The following FOXP1 variants were observed in gnomAD, a reference collection of about 807,000 sequenced individuals.
FOXP1 encodes forkhead box P1.
A neutral mutation model predicts 98.2 loss-of-function variants in FOXP1; 15 were observed. The ratio of observed to expected loss-of-function variants is 0.15; its 90% CI spans 0.10 to 0.24. The LOEUF (loss-of-function observed/expected upper bound fraction) is 0.24, where lower values mean the gene tolerates loss of function less well. Among genes scored for constraint, FOXP1 ranks in the 10% least tolerant of loss-of-function variants. The pLI is 1.00. For synonymous variants in FOXP1, 371 were observed against 314.5 expected, an observed-to-expected ratio of 1.18 and a Z score of -1.90; for missense variants, 633 against 848.5, an observed-to-expected ratio of 0.75 and a Z score of 3.15.
intron 3 of FOXP1, among the ~76,000 whole-genome samples, chr3:71,381,393 C>A (rs935515824): frequency 5.3e-5 from 8 of 151,136 alleles, no homozygotes; most frequent in Admixed American, 3.3e-4. Context: ...CCTCCTCGGC[C>A]TCCCAAAGTG....
At chr3:71,346,812 G>A (rs186913851) in intron 4 of FOXP1, among the ~76,000 whole-genome samples, 57 of 152,176 alleles carry the variant, frequency 3.7e-4, no homozygotes, top group Admixed American at 2.1e-3. Context: ...TAATGAGGCC[G>A]AGGCGGGTGG....
At chr3:71,335,821 G>A (rs563102691) in intron 4 of FOXP1, among the ~76,000 whole-genome samples, 1 of 151,864 alleles carries the variant, frequency 6.6e-6, no homozygotes, top group South Asian at 2.1e-4. Context: ...CTTGGCCAAC[G>A]TGGTGAAACC....
At chr3:71,091,791 A>C (rs1472679452) in intron 7 of FOXP1, among the ~76,000 whole-genome samples, 1 of 152,244 alleles carries the variant, frequency 6.6e-6, no homozygotes, top group Non-Finnish European at 1.5e-5. Flanking sequence ...AAGACCAATA[A>C]ACTTCACAGC....
At position 70,958,205 on chromosome 3, in the gene FOXP1, A is replaced by AAAAAG. The variant is rs549654259; in HGVS notation, c.*1037_*1041dup. ...TTATTAATGGTTGCTGCAAAAAAAA[A>AAAAAG]AAAAGAAAAGAAAAGAAAAAAAGAA... On this transcript the variant is annotated 3_prime_UTR_variant, in exon 21 of 21. Transcript: ENST00000649528. The AAAAAG allele has an allele frequency of 6.8e-6, 3 of 441,332 alleles. No homozygotes were observed. Among genetic ancestry groups the AAAAAG allele is most frequent in the Admixed American group, 3.1e-5 (1 of 32,232 alleles). The allele number at this position is 441,332 out of a possible 1,614,324, so 27.3% of individuals were successfully genotyped here.
chr3:71,356,631 C>T (rs1164092460), intron 4 of FOXP1, among the ~76,000 whole-genome samples: 2 of 152,144 alleles, frequency 1.3e-5, no homozygotes, highest in African/African-American at 4.8e-5. Context: ...ATTTTTATCC[C>T]CTTTTCCAGA....
At chr3:71,145,894 C>T (rs898348441) in intron 6 of FOXP1, among the ~76,000 whole-genome samples, 1 of 152,132 alleles carries the variant, frequency 6.6e-6, no homozygotes, top group Non-Finnish European at 1.5e-5. Context: ...GTACACGAGT[C>T]CCTTGCTGGA....
At chr3:71,434,840 A>G (rs2085084534) in intron 3 of FOXP1, among the ~76,000 whole-genome samples, 1 of 152,150 alleles carries the variant, frequency 6.6e-6, no homozygotes, top group South Asian at 2.1e-4. Context: ...ATATACACAC[A>G]TGCCTGCACA....
At chr3:71,493,956 T>C (rs149167455) in intron 2 of FOXP1, among the ~76,000 whole-genome samples, 25 of 152,248 alleles carry the variant, frequency 1.6e-4, no homozygotes, top group African/African-American at 6.0e-4. Context: ...AAGTAAAAAA[T>C]TTAAATAATT....
At chr3:71,391,875 G>A (rs192319587) in intron 3 of FOXP1, among the ~76,000 whole-genome samples, 1 of 152,272 alleles carries the variant, frequency 6.6e-6, no homozygotes, top group African/African-American at 2.4e-5. Context: ...GTTGGATCAG[G>A]ACACTTTTAC....
intron 14 of FOXP1, among the ~76,000 whole-genome samples, chr3:70,979,107 C>T (rs903463144): frequency 2.0e-5 from 3 of 150,944 alleles, no homozygotes; most frequent in Non-Finnish European, 4.4e-5. Flanking sequence ...TCTCCATTAA[C>T]GCACACACAT....
intron 5 of FOXP1, among the ~76,000 whole-genome samples, chr3:71,246,313 C>T (rs1310798189): frequency 6.6e-6 from 1 of 152,162 alleles, no homozygotes; most frequent in Admixed American, 6.6e-5. Flanking sequence ...ACCCGAGAAA[C>T]CTTCTGTGTA....
intron 3 of FOXP1, among the ~76,000 whole-genome samples, chr3:71,394,240 G>T (rs112680356): frequency 6.0e-4 from 91 of 152,168 alleles, no homozygotes; most frequent in Non-Finnish European, 1.0e-4. Context: ...ACAATGATGA[G>T]TCCTCTTTAG....
At chr3:71,322,814 G>A (rs1173592192) in intron 4 of FOXP1, among the ~76,000 whole-genome samples, 1 of 152,168 alleles carries the variant, frequency 6.6e-6, no homozygotes, top group Non-Finnish European at 1.5e-5. Context: ...CACTGGATGT[G>A]TTTTGTAGAA....
chr3:71,370,807 T>TG (rs1324759964), intron 3 of FOXP1, among the ~76,000 whole-genome samples: 1 of 150,206 alleles, frequency 6.7e-6, no homozygotes, highest in Non-Finnish European at 1.5e-5. Flanking sequence ...TGTTTTTTTT[T>TG]TTTTTTTTTA....
At chr3:71,212,974 GA>G (rs1262688450) in intron 5 of FOXP1, among the ~76,000 whole-genome samples, 20 of 143,350 alleles carry the variant, frequency 1.4e-4, no homozygotes, top group African/African-American at 5.5e-4. Context: ...ATATATATAT[GA>G]ATGAATAAAA....
chr3:71,430,924 C>A (rs575717214), intron 3 of FOXP1, among the ~76,000 whole-genome samples: 1 of 152,122 alleles, frequency 6.6e-6, no homozygotes, highest in Non-Finnish European at 1.5e-5. Flanking sequence ...CCACAACCAC[C>A]GGGAAATATG....
chr3:71,003,963 T>A (rs1393211622), intron 12 of FOXP1, among the ~76,000 whole-genome samples: 1 of 152,030 alleles, frequency 6.6e-6, no homozygotes, highest in African/African-American at 2.4e-5. Context: ...GTTCAGCAAA[T>A]GTTGCCCAAG....
intron 3 of FOXP1, among the ~76,000 whole-genome samples, chr3:71,413,272 A>ACACACACACC (rs1349075122): frequency 7.4e-6 from 1 of 135,664 alleles, no homozygotes; most frequent in Non-Finnish European, 1.6e-5. Flanking sequence ...ACACACACAC[A>ACACACACACC]CACACACACA....
intron 19 of FOXP1, chr3:70,969,003 C>G (rs2035588348): frequency 1.3e-5 from 2 of 152,094 alleles, no homozygotes; most frequent in African/African-American, 4.8e-5. Context: ...TTTTGGGCTA[C>G]TGAAGAAGAT....
Sources: allele counts gnomAD v4.1 joint callset (sites outside exome capture counted in the v4.1 genomes callset), GRCh38; gene constraint gnomAD v4.1.1; transcripts MANE v1.5; gene names NCBI Gene and HGNC (gene_info 2026-07-23, HGNC 2026-07-21).